FBRSL1: variants seen among roughly 807,000 people sequenced by gnomAD.
The protein encoded by FBRSL1 is fibrosin-1-like protein.
FBRSL1 carries 51 observed loss-of-function variants against 89.6 expected under a neutral mutation model. The observed-to-expected ratio is 0.57, with a 90% CI of 0.45 to 0.72. The LOEUF is 0.72. Ranked by LOEUF, FBRSL1 falls within the 30% of genes least tolerant of loss-of-function variation. The pLI, the probability that FBRSL1 is intolerant of heterozygous loss-of-function variation, is 0.00. For missense variants in FBRSL1, 1,618 were observed against 1,451.8 expected (o/e 1.11, Z -1.86); for synonymous variants, 779 against 681.1 (o/e 1.14, Z -2.24).
In FBRSL1 at chr12:132,571,340, G is replaced by A. The variant is rs746016516; in HGVS notation, c.1377+109G>A. On this transcript the variant is annotated intron_variant, in intron 9 of 18. Coordinates refer to ENST00000680143, the MANE Select transcript of FBRSL1 (RefSeq NM_001367871.1). ...CTGCTCAGGCAAGAGCTGAACACGC[G>A]GTTTCTGGTGCAGAGCGCCGAGCGG... 1.2e-5 allele frequency: 19 copies of A among 1,549,664 alleles called. No individual in the cohort carries two copies. In the East Asian group the frequency reaches 2.7e-4, roughly 22 times the overall value.
chr12:132,536,456 G>A (rs1379248150), intron 4 of FBRSL1, among the ~76,000 whole-genome samples: 1 of 151,892 alleles, frequency 6.6e-6, no homozygotes, highest in Non-Finnish European at 1.5e-5. Flanking sequence ...GAGTGCATGT[G>A]TATATGACAG....
chr12:132,530,185 C>T (rs111625927), intron 4 of FBRSL1, among the ~76,000 whole-genome samples: 2 of 152,050 alleles, frequency 1.3e-5, no homozygotes, highest in African/African-American at 2.4e-5. Flanking sequence ...GACACTCCTC[C>T]GCCCTTCTCT....
rs1284269011 is a variant in FBRSL1, at chr12:132,572,507, C to G, written c.1435-20C>G. The G allele has an allele frequency of 1.9e-6, 3 of 1,541,544 alleles. No homozygotes were observed. Among genetic ancestry groups the G allele is most frequent in the East Asian group, 2.4e-5 (1 of 40,862 alleles). The stretch of plus-strand genomic sequence containing the variant: ...GTGAGGACTTGGGCCCCCCCTCCAT[C>G]CGCTCTCCTTCTCTTACAGTTCTTC... On this transcript the variant is annotated intron_variant, in intron 10 of 18. Coordinates refer to ENST00000680143, the MANE Select transcript of FBRSL1 (RefSeq NM_001367871.1).
At chr12:132,561,170 C>T (rs1328912439) in intron 5 of FBRSL1, among the ~76,000 whole-genome samples, 2 of 152,232 alleles carry the variant, frequency 1.3e-5, no homozygotes, top group Non-Finnish European at 2.9e-5. Flanking sequence ...TCCGGGGCCT[C>T]TGCTAGGGCC....
intron 4 of FBRSL1, among the ~76,000 whole-genome samples, chr12:132,547,371 G>A (rs530100772): frequency 6.6e-6 from 1 of 152,256 alleles, no homozygotes; most frequent in African/African-American, 2.4e-5. Context: ...TTGTTTTCGG[G>A]ATTATCACAC....
Position 132,583,283 on chromosome 12 carries a change from C to T in FBRSL1, c.2514C>T (p.Leu838=), listed in dbSNP as rs1046887934. 7 of 1,247,684 alleles carry T rather than the reference C, an allele frequency of 5.6e-6. No individual in the cohort carries two copies. The highest frequency in any genetic ancestry group is 3.2e-5 in the African/African-American group (2 of 62,084). 77.3% of individuals were successfully genotyped at this position (1,247,684 alleles called of 1,614,324 possible). ...AGGLHPAPLQ[L]GLGRERLGAP... ...GCCTGCACCCCGCGCCCCTGCAGCT[C>T]GGCCTGGGCCGCGAGCGCCTGGGCG... Residue 838 remains leucine (L), a synonymous_variant, in exon 19 of 19, where the codon CTC becomes CTT. Transcript: ENST00000680143.
chr12:132,529,162 C>T (rs1350940951), intron 4 of FBRSL1, among the ~76,000 whole-genome samples: 1 of 152,216 alleles, frequency 6.6e-6, no homozygotes, highest in Non-Finnish European at 1.5e-5. Context: ...CTGCAGCCCC[C>T]GAAATTTCCA....
intron 1 of FBRSL1, among the ~76,000 whole-genome samples, chr12:132,497,732 G>A (rs905569331): frequency 4.6e-5 from 7 of 152,180 alleles, no homozygotes; most frequent in Admixed American, 1.3e-4. Context: ...AGGCAACCCC[G>A]GGCTGGGGAT....
intron 1 of FBRSL1, among the ~76,000 whole-genome samples, chr12:132,494,320 G>C (rs1370689000): frequency 6.6e-6 from 1 of 152,202 alleles, no homozygotes; most frequent in Non-Finnish European, 1.5e-5. Flanking sequence ...TCTCTGCCTG[G>C]GGTCCTCCCA....
chr12:132,514,864 A>G (rs563167432), intron 2 of FBRSL1, among the ~76,000 whole-genome samples: 15 of 152,250 alleles, frequency 9.9e-5, no homozygotes, highest in Admixed American at 5.9e-4. Flanking sequence ...GTTTCACTCC[A>G]TGTACTTTGA....
Position 132,490,293 on chromosome 12 carries a change from C to A in FBRSL1, c.-278C>A, listed in dbSNP as rs1337899947. The A allele has an allele frequency of 7.0e-6, 1 of 142,210 alleles. No homozygotes were observed. The highest frequency in any genetic ancestry group is 2.5e-5 in the African/African-American group (1 of 39,578). 8.8% of individuals were successfully genotyped at this position (142,210 alleles called of 1,614,324 possible). A position where few individuals can be genotyped will look rare whatever the true frequency, so the allele number is the denominator to read the frequency against. On this transcript the variant is annotated 5_prime_UTR_variant, in exon 1 of 19. Coordinates refer to ENST00000680143, the MANE Select transcript of FBRSL1 (RefSeq NM_001367871.1). ...CGCCGCGCCGCGCGCATGGGGCGCGCCCCCGGGGGGGCGGCCGAGGGCCGC... is the reference window on the plus strand; with the variant it reads ...CGCCGCGCCGCGCGCATGGGGCGCGACCCCGGGGGGGCGGCCGAGGGCCGC...
chr12:132,507,961 C>G (rs1017707329), intron 1 of FBRSL1, among the ~76,000 whole-genome samples, 192 bp from the exon 2 acceptor site: 1 of 152,196 alleles, frequency 6.6e-6, no homozygotes, highest in African/African-American at 2.4e-5. Context: ...TCCCCCATCC[C>G]GCAGCAGCAT....
At chr12:132,544,399 C>T (rs1407279592) in intron 4 of FBRSL1, among the ~76,000 whole-genome samples, 3 of 152,138 alleles carry the variant, frequency 2.0e-5, no homozygotes, top group Admixed American at 1.3e-4. Context: ...CAGGAAGGCT[C>T]ACCTTTCCAG....
chr12:132,501,893 C>A (rs1167517683), intron 1 of FBRSL1, among the ~76,000 whole-genome samples: 3 of 152,230 alleles, frequency 2.0e-5, no homozygotes, highest in African/African-American at 7.2e-5. Flanking sequence ...TGCCCTGCGT[C>A]CCCCCTTTGG....
chr12:132,572,436 C>T (rs1353414597), intron 10 of FBRSL1, 91 bp from the exon 11 acceptor site: 3 of 1,508,618 alleles, frequency 2.0e-6, no homozygotes, highest in African/African-American at 2.8e-5. Flanking sequence ...CCTGGCCTCG[C>T]CCCTGCTGCA....
At position 132,555,919 on chromosome 12, in the gene FBRSL1, C is replaced by T. The variant is rs563984636; in HGVS notation, c.645+7887C>T. ...CGTGCCTGTGTACCAGCCTTCAGGGCCGGTTGTGGCCTCGGGGTTCCAGGA... is the reference window on the plus strand; with the variant it reads ...CGTGCCTGTGTACCAGCCTTCAGGGTCGGTTGTGGCCTCGGGGTTCCAGGA... On this transcript the variant is annotated intron_variant, in intron 5 of 18. Coordinates refer to ENST00000680143, the MANE Select transcript of FBRSL1 (RefSeq NM_001367871.1). Among the ~76,000 whole-genome samples, 3 of 152,264 alleles carry T rather than the reference C, an allele frequency of 2.0e-5. No homozygotes were observed. The East Asian group carries it at 5.8e-4, about 29-fold the overall frequency.
intron 1 of FBRSL1, among the ~76,000 whole-genome samples, chr12:132,494,800 G>A (rs546959805): frequency 1.3e-5 from 2 of 152,304 alleles, no homozygotes; most frequent in South Asian, 4.1e-4. Flanking sequence ...TGTGTCCCAG[G>A]AATAAAGGCG....
chr12:132,547,612 C>T (rs558625668), intron 4 of FBRSL1, among the ~76,000 whole-genome samples: 18 of 152,310 alleles, frequency 1.2e-4, no homozygotes, highest in African/African-American at 3.1e-4. Context: ...TGTCCTGGGC[C>T]GGAGGCTGCC....
chr12:132,490,531 G>A lies in FBRSL1; in HGVS notation c.-40G>A. The A allele has an allele frequency of 1.0e-6, 1 of 978,954 alleles. No homozygotes were observed. Among genetic ancestry groups the A allele is most frequent in the Non-Finnish European group, 1.2e-6 (1 of 826,770 alleles). 60.6% of individuals were successfully genotyped at this position (978,954 alleles called of 1,614,324 possible). A position where few individuals can be genotyped will look rare whatever the true frequency, so the allele number is the denominator to read the frequency against. ...CCCGCCTGCTGCGAGCCAGGCGCGG[G>A]GCGTCAAGGTCACCGGCCCGACGGG... On this transcript the variant is annotated 5_prime_UTR_variant, in exon 1 of 19. Coordinates refer to ENST00000680143, the MANE Select transcript of FBRSL1 (RefSeq NM_001367871.1).
Sources: gnomAD v4.1 joint callset for allele counts (sites outside exome capture counted in the v4.1 genomes callset) on GRCh38, gnomAD v4.1.1 for gene constraint, MANE v1.5 for transcripts, NCBI Gene and HGNC (gene_info 2026-07-23, HGNC 2026-07-21) for gene names.